Variants in SLC10A7 observed in about 807,000 individuals in gnomAD.
The protein encoded by SLC10A7 is sodium/bile acid cotransporter 7.
A neutral mutation model predicts 43.2 loss-of-function variants in SLC10A7; 29 were observed. The ratio of observed to expected loss-of-function variants is 0.67; its 90% confidence interval spans 0.50 to 0.92. SLC10A7 has a LOEUF of 0.92. SLC10A7 is among the 40% of genes least tolerant of loss of function. SLC10A7 has a pLI of 0.00. For synonymous variants in SLC10A7, 152 were observed against 144.8 expected (o/e 1.05, Z -0.35); for missense variants, 295 against 403.2 (o/e 0.73, Z 2.30).
chr4:146,509,188 C>T (rs1737218918), intron 3 of SLC10A7, among the ~76,000 whole-genome samples: 1 of 152,198 alleles, frequency 6.6e-6, no homozygotes, highest in Admixed American at 6.5e-5. Flanking sequence ...ATTGATACAA[C>T]ACCCCCTGAG....
chr4:146,399,807 G>A (rs759291251), intron 5 of SLC10A7, among the ~76,000 whole-genome samples: 24 of 151,990 alleles, frequency 1.6e-4, no homozygotes, highest in Non-Finnish European at 2.4e-4. Flanking sequence ...TCTACTTTGC[G>A]CACAGTAAGC....
chr4:146,467,861 C>A (rs1415158490), intron 4 of SLC10A7, among the ~76,000 whole-genome samples: 1 of 152,170 alleles, frequency 6.6e-6, no homozygotes, highest in African/African-American at 2.4e-5. Context: ...CCGCACCTGG[C>A]CTTGCCCTCT....
chr4:146,262,247 G>C (rs1728274829), intron 10 of SLC10A7, among the ~76,000 whole-genome samples: 2 of 152,218 alleles, frequency 1.3e-5, no homozygotes, highest in African/African-American at 4.8e-5. Flanking sequence ...GAGAAGTTGG[G>C]ATAAGCAGAG....
At chr4:146,419,694 G>A (rs1450588731) in intron 5 of SLC10A7, among the ~76,000 whole-genome samples, 1 of 151,954 alleles carries the variant, frequency 6.6e-6, no homozygotes, top group African/African-American at 2.4e-5. Context: ...AAATTAGCCA[G>A]GCATGGTGGC....
intron 5 of SLC10A7, among the ~76,000 whole-genome samples, chr4:146,343,594 T>C (rs534836441): frequency 1.3e-5 from 2 of 152,126 alleles, no homozygotes; most frequent in South Asian, 4.1e-4. Context: ...GATAAACTAG[T>C]GGTCAAGAGC....
chr4:146,467,074 T>C (rs947182992), intron 4 of SLC10A7, among the ~76,000 whole-genome samples: 5 of 152,170 alleles, frequency 3.3e-5, no homozygotes, highest in African/African-American at 7.2e-5. Flanking sequence ...GGCTAAGAGC[T>C]TGCTAAAAGC....
intron 5 of SLC10A7, among the ~76,000 whole-genome samples, chr4:146,367,035 C>T (rs1248689392): frequency 1.3e-5 from 2 of 150,472 alleles, no homozygotes; most frequent in Non-Finnish European, 3.0e-5. Context: ...TTTTGCCATT[C>T]ATCATGGTTT....
At chr4:146,429,282 T>C (rs1729598476) in intron 5 of SLC10A7, among the ~76,000 whole-genome samples, 1 of 152,166 alleles carries the variant, frequency 6.6e-6, no homozygotes, top group Non-Finnish European at 1.5e-5. Flanking sequence ...GAATTCAACA[T>C]ACAATTATGA....
At chr4:146,490,299 C>A (rs540361666) in intron 4 of SLC10A7, among the ~76,000 whole-genome samples, 1 of 152,204 alleles carries the variant, frequency 6.6e-6, no homozygotes, top group African/African-American at 2.4e-5. Flanking sequence ...TGCGCAAATG[C>A]AATGAGTATT....
At chr4:146,495,921 G>A (rs961630107) in intron 4 of SLC10A7, among the ~76,000 whole-genome samples, 1 of 152,050 alleles carries the variant, frequency 6.6e-6, no homozygotes, top group Non-Finnish European at 1.5e-5. Context: ...CCTTCAACCT[G>A]CTAAGTAAAA....
chr4:146,445,997 T>C (rs539821158), intron 4 of SLC10A7, among the ~76,000 whole-genome samples: 24 of 151,872 alleles, frequency 1.6e-4, no homozygotes, highest in African/African-American at 5.1e-4. Context: ...GGTGGGGCAG[T>C]CCAAAAGGTA....
At chr4:146,411,533 T>C (rs534793642) in intron 5 of SLC10A7, among the ~76,000 whole-genome samples, 1 of 152,314 alleles carries the variant, frequency 6.6e-6, no homozygotes, top group African/African-American at 2.4e-5. Context: ...AGGTGTATGC[T>C]AATTAATACT....
At chr4:146,336,346 C>CA (rs1733895620) in intron 5 of SLC10A7, among the ~76,000 whole-genome samples, 1 of 152,022 alleles carries the variant, frequency 6.6e-6, no homozygotes, top group Admixed American at 6.6e-5. Context: ...TTGAGTGAAC[C>CA]CACGCTGGCT....
At chr4:146,443,716 T>C (rs987527981) in intron 4 of SLC10A7, among the ~76,000 whole-genome samples, 1 of 152,212 alleles carries the variant, frequency 6.6e-6, no homozygotes, top group Admixed American at 6.5e-5. Context: ...TTTAGTAAGT[T>C]TGAATAAAGT....
In SLC10A7 at chr4:146,306,997, T is replaced by C. The variant is rs184458577; in HGVS notation, c.472-988A>G. Among the ~76,000 whole-genome samples, 3 of 152,268 alleles carry C rather than the reference T, an allele frequency of 2.0e-5. No individual in the cohort carries two copies. The East Asian group carries it at 5.8e-4, about 29-fold the overall frequency. ...GGAAAACAATTTTTGTGAAAGGACA[T>C]GGAGGTAATGATGATTGAGGGTACA... On this transcript the variant is annotated intron_variant, in intron 6 of 11. Coordinates refer to ENST00000335472, the MANE Select transcript of SLC10A7 (RefSeq NM_001029998.6).
chr4:146,395,142 G>C (rs1487859144), intron 5 of SLC10A7, among the ~76,000 whole-genome samples: 1 of 152,060 alleles, frequency 6.6e-6, no homozygotes, highest in Non-Finnish European at 1.5e-5. Context: ...GTGGAGGCTG[G>C]AGGACTGCCT....
chr4:146,405,014 A>G (rs1727561914), intron 5 of SLC10A7, among the ~76,000 whole-genome samples: 1 of 152,202 alleles, frequency 6.6e-6, no homozygotes, highest in Non-Finnish European at 1.5e-5. Flanking sequence ...CATGATAAAA[A>G]ACAAGAAATC....
chr4:146,372,232 T>C lies in SLC10A7; in HGVS notation c.436-46236A>G, dbSNP rs371775851. Among the ~76,000 whole-genome samples, 395 of 152,074 alleles carry C rather than the reference T, an allele frequency of 2.6e-3. 5 individuals carry two copies. Among genetic ancestry groups the C allele is most frequent in the African/African-American group, 9.0e-3 (373 of 41,474 alleles). On this transcript the variant is annotated intron_variant, in intron 5 of 11. Transcript: ENST00000335472. ...ACTCTGGGAGGCTGAGGTGGGCAGA[T>C]TGCTTGAGCTCAGGAGTTCAAGACC...
chr4:146,377,277 C>T (rs768519855), intron 5 of SLC10A7, among the ~76,000 whole-genome samples: 15 of 152,268 alleles, frequency 9.9e-5, no homozygotes, highest in Admixed American at 3.9e-4. Flanking sequence ...GTCCATGTGA[C>T]CTGATTCTTT....
Sources: allele counts gnomAD v4.1 joint callset (sites outside exome capture counted in the v4.1 genomes callset), GRCh38; gene constraint gnomAD v4.1.1; transcripts MANE v1.5; gene names NCBI Gene and HGNC (gene_info 2026-07-23, HGNC 2026-07-21).